Variants in NTAN1 observed in about 807,000 individuals in gnomAD.
NTAN1 encodes protein N-terminal asparagine amidohydrolase.
A neutral mutation model predicts 41.9 loss-of-function variants in NTAN1; 32 were observed. The ratio of observed to expected loss-of-function variants is 0.76; its 90% CI spans 0.58 to 1.03. The LOEUF (loss-of-function observed/expected upper bound fraction) is 1.03, where lower values mean the gene tolerates loss of function less well. Among genes scored for constraint, NTAN1 ranks in the 50% least tolerant of loss-of-function variants. The pLI is 0.00. For missense variants in NTAN1, 377 were observed against 377.5 expected, an observed-to-expected ratio of 1.00 and a Z score of 0.01; for synonymous variants, 140 against 139.5, an observed-to-expected ratio of 1.00 and a Z score of -0.03.
chr16:15,044,554 A>G lies in NTAN1; in HGVS notation c.360-147T>C, dbSNP rs79602899. 4,929 of 651,410 alleles carry G rather than the reference A, an allele frequency of 7.6e-3. 178 individuals carry two copies. The highest frequency in any genetic ancestry group is 0.069 in the Admixed American group (2,784 of 40,218). 40.4% of individuals were successfully genotyped at this position (651,410 alleles called of 1,614,324 possible). On this transcript the variant is annotated intron_variant, in intron 4 of 9. Transcript: ENST00000287706. The stretch of plus-strand genomic sequence containing the variant: ...TCTTCGTGCCACCGCAAAAGAAAGT[A>G]TCGGCAGCACACTGCCAAGGCCAGT...
rs376562617 is a variant in NTAN1 at position 15,047,931 on chromosome 16, A to G, written c.185-11T>C. On this transcript the variant is annotated splice_polypyrimidine_tract_variant and intron_variant, in intron 2 of 9. Coordinates refer to ENST00000287706, the MANE Select transcript of NTAN1 (RefSeq NM_173474.4). ...GAATGGAGATGGAGCCTGTTTAAAAAAGAAATAAAATAAAATATCCAATAG... is the reference window on the plus strand; with the variant it reads ...GAATGGAGATGGAGCCTGTTTAAAAGAGAAATAAAATAAAATATCCAATAG... 285 of 1,612,288 alleles carry G rather than the reference A, an allele frequency of 1.8e-4. No individual in the cohort carries two copies. The highest frequency in any genetic ancestry group is 2.3e-4 in the Non-Finnish European group (272 of 1,178,392).
chr16:15,055,363 C>A (rs536467427), intron 1 of NTAN1, among the ~76,000 whole-genome samples: 2 of 152,326 alleles, frequency 1.3e-5, no homozygotes, highest in East Asian at 3.9e-4. Flanking sequence ...AAAAATAACT[C>A]GGCGCCCTAC....
chr16:15,050,462 A>G (rs929632714), intron 1 of NTAN1, among the ~76,000 whole-genome samples: 1 of 152,162 alleles, frequency 6.6e-6, no homozygotes, highest in Non-Finnish European at 1.5e-5. Flanking sequence ...GCTGGGTGTG[A>G]TGGCTCCCAA....
Position 15,038,017 on chromosome 16 carries a change from G to GTAATTCATGTTT in NTAN1, c.*2_*13dup, listed in dbSNP as rs773091583. 9 of 1,603,316 alleles carry GTAATTCATGTTT rather than the reference G, an allele frequency of 5.6e-6. No homozygotes were observed. The highest frequency in any genetic ancestry group is 7.7e-6 in the Non-Finnish European group (9 of 1,173,596). On this transcript the variant is annotated 3_prime_UTR_variant, in exon 10 of 10. Coordinates refer to ENST00000287706, the MANE Select transcript of NTAN1 (RefSeq NM_173474.4). ...TCAGGCCAAGAAGGTGCTTTCTTTG[G>GTAATTCATGTTT]TAATTCATGTTTTTTAACTTCCTGG...
intron 5 of NTAN1, among the ~76,000 whole-genome samples, chr16:15,043,475 G>GA (rs1269748193): frequency 6.6e-6 from 1 of 152,222 alleles, no homozygotes; most frequent in Non-Finnish European, 1.5e-5. Context: ...CCAGTAGGTT[G>GA]AGGCTGCAGT....
At chr16:15,046,662 CCGG>C in intron 4 of NTAN1, among the ~76,000 whole-genome samples, 1 of 140,762 alleles carries the variant, frequency 7.1e-6, no homozygotes, top group Non-Finnish European at 1.5e-5. Flanking sequence ...GAGTTTAAGA[CCGG>C]CCTGGGCAAC....
intron 1 of NTAN1, among the ~76,000 whole-genome samples, chr16:15,054,784 C>T (rs1249968904): frequency 6.6e-6 from 1 of 152,150 alleles, no homozygotes; most frequent in Non-Finnish European, 1.5e-5. Flanking sequence ...AGTGAGGACA[C>T]TACTCTTATC....
At chr16:15,047,178 T>C in intron 4 of NTAN1, 1 of 497,606 alleles carries the variant, frequency 2.0e-6, no homozygotes, top group Non-Finnish European at 3.6e-6. Flanking sequence ...AATCGCAACC[T>C]CGACGTTCCT....
rs531722625 is a variant in NTAN1 at position 15,048,302 on chromosome 16, G to A, written c.82-203C>T. Among the ~76,000 whole-genome samples, 11 of 152,330 alleles carry A rather than the reference G, an allele frequency of 7.2e-5. No individual in the cohort carries two copies. In the South Asian group the frequency reaches 1.2e-3, roughly 17 times the overall value. ...CAGAGAAAACGATGCGGTTCTGCGC[G>A]GTGGTTTTTTTAACCTATGAAATCG... On this transcript the variant is annotated intron_variant, in intron 1 of 9. Transcript: ENST00000287706.
At position 15,056,023 on chromosome 16, in the gene NTAN1, G is replaced by A. The variant is rs1389504708; in HGVS notation, c.-52C>T. The A allele has an allele frequency of 2.1e-6, 2 of 932,420 alleles. No individual in the cohort carries two copies. The highest frequency in any genetic ancestry group is 2.7e-6 in the Non-Finnish European group (2 of 740,512). 57.8% of individuals were successfully genotyped at this position (932,420 alleles called of 1,614,324 possible). ...CAGGGAGGCGGCGGCCCCCCGCTTT[G>A]CAGCCCCGGGCCGCCCGCCGCCCCC... On this transcript the variant is annotated 5_prime_UTR_variant, in exon 1 of 10. Transcript: ENST00000287706.
intron 6 of NTAN1, among the ~76,000 whole-genome samples, 180 bp from the exon 7 acceptor site, chr16:15,041,301 G>C: frequency 6.6e-6 from 1 of 152,094 alleles, no homozygotes; most frequent in East Asian, 1.9e-4. Context: ...GGTTTATACT[G>C]AACAAACTGG....
At chr16:15,041,030 A>G (rs756686100) in intron 7 of NTAN1, 38 bp downstream of exon 7, 33 of 1,438,850 alleles carry the variant, frequency 2.3e-5, no homozygotes, top group Middle Eastern at 1.7e-4. Flanking sequence ...TGCACATGTG[A>G]CCAAGACTCC....
At chr16:15,040,792 C>T (rs1314157384) in intron 7 of NTAN1, among the ~76,000 whole-genome samples, 1 of 152,190 alleles carries the variant, frequency 6.6e-6, no homozygotes, top group Non-Finnish European at 1.5e-5. Flanking sequence ...GGCACTTTCC[C>T]AGCTCCTGGG....
chr16:15,052,121 C>G (rs1033279322), intron 1 of NTAN1, among the ~76,000 whole-genome samples: 1 of 152,072 alleles, frequency 6.6e-6, no homozygotes, highest in East Asian at 1.9e-4. Context: ...AAAGGCCAGA[C>G]AGTAAATATT....
At chr16:15,045,597 C>T (rs1422443676) in intron 4 of NTAN1, 2 of 152,586 alleles carry the variant, frequency 1.3e-5, no homozygotes, top group African/African-American at 2.4e-5. Flanking sequence ...CAGGGTGAAA[C>T]CCCGGCTCTA....
intron 4 of NTAN1, chr16:15,044,625 G>C: frequency 1.7e-6 from 1 of 584,934 alleles, no homozygotes; most frequent in Non-Finnish European, 3.0e-6. Flanking sequence ...TGACTGAGGG[G>C]ATCCGTATCT....
intron 1 of NTAN1, among the ~76,000 whole-genome samples, chr16:15,054,556 C>G: frequency 6.6e-6 from 1 of 152,178 alleles, no homozygotes; most frequent in East Asian, 1.9e-4. Flanking sequence ...AGTGACACGC[C>G]ACCACGCCTA....
At chr16:15,055,702 C>T in intron 1 of NTAN1, 189 bp downstream of exon 1, 1 of 374,820 alleles carries the variant, frequency 2.7e-6, no homozygotes, top group Non-Finnish European at 4.7e-6. Context: ...GCCTCCGGGG[C>T]AGCCCGCTGA....
chr16:15,039,925 C>G lies in NTAN1; in HGVS notation c.639+44G>C, dbSNP rs764194312. On this transcript the variant is annotated intron_variant, in intron 8 of 9. Coordinates refer to ENST00000287706, the MANE Select transcript of NTAN1 (RefSeq NM_173474.4). ...AAACTTAAGGCCTTGACATTTGATG[C>G]CTTTTTTTTTTTAACCCCTTAACAA... The G allele has an allele frequency of 1.4e-5, 15 of 1,087,822 alleles. No individual in the cohort carries two copies. The South Asian group carries it at 1.8e-4, about 13-fold the overall frequency. The allele number at this position is 1,087,822 out of a possible 1,614,324, so 67.4% of individuals were successfully genotyped here. A position where few individuals can be genotyped will look rare whatever the true frequency, so the allele number is the denominator to read the frequency against.
Sources: gnomAD v4.1 joint callset for allele counts (sites outside exome capture counted in the v4.1 genomes callset) on GRCh38, gnomAD v4.1.1 for gene constraint, MANE v1.5 for transcripts, NCBI Gene and HGNC (gene_info 2026-07-23, HGNC 2026-07-21) for gene names.